Variants in CERT1 observed in about 807,000 individuals in gnomAD.
CERT1 encodes the protein ceramide transporter 1.
CERT1 carries 31 observed loss-of-function variants against 87.9 expected under a neutral mutation model. The ratio of observed to expected loss-of-function variants is 0.35; its 90% CI spans 0.27 to 0.48. CERT1 has a LOEUF of 0.48. CERT1 is among the 20% of genes least tolerant of loss of function. CERT1 has a pLI of 0.99. For synonymous variants in CERT1, 289 were observed against 250.9 expected (o/e 1.15, Z -1.44); for missense variants, 487 against 758.0 (o/e 0.64, Z 4.20).
chr5:75,490,056 T>A (rs925706774), intron 2 of CERT1, among the ~76,000 whole-genome samples: 3 of 152,210 alleles, frequency 2.0e-5, no homozygotes, highest in Non-Finnish European at 4.4e-5. Flanking sequence ...GGGACATGGA[T>A]GAACGTGGAA....
intron 2 of CERT1, among the ~76,000 whole-genome samples, chr5:75,492,489 G>C (rs903585691): frequency 7.9e-5 from 12 of 152,178 alleles, no homozygotes; most frequent in Non-Finnish European, 1.6e-4. Flanking sequence ...TTTGATACCA[G>C]AGGAGGAAAA....
intron 7 of CERT1, among the ~76,000 whole-genome samples, chr5:75,411,898 C>A (rs1762947633): frequency 6.6e-6 from 1 of 152,112 alleles, no homozygotes; most frequent in African/African-American, 2.4e-5. Flanking sequence ...AGAAAACCTT[C>A]TTATACTTTC....
chr5:75,439,413 T>C (rs1416156253), intron 3 of CERT1, among the ~76,000 whole-genome samples: 1 of 151,988 alleles, frequency 6.6e-6, no homozygotes, highest in Non-Finnish European at 1.5e-5. Context: ...ACCTTCTTCT[T>C]TTTCCTAATA....
At chr5:75,375,227 TGAGA>T (rs1474447465), downstream of CERT1, 1 of 153,244 alleles carries the variant, frequency 6.5e-6, no homozygotes, top group African/African-American at 2.4e-5. Flanking sequence ...ATTCAAGCTA[TGAGA>T]GAGAGGCCTG....
intron 5 of CERT1, among the ~76,000 whole-genome samples, chr5:75,419,732 C>T (rs923772295): frequency 2.0e-5 from 3 of 151,972 alleles, no homozygotes; most frequent in African/African-American, 7.3e-5. Context: ...ACAGTATCAG[C>T]CATCTATTTA....
intron 2 of CERT1, among the ~76,000 whole-genome samples, chr5:75,473,884 A>AG (rs1765832706): frequency 6.6e-6 from 1 of 152,230 alleles, no homozygotes; most frequent in South Asian, 2.1e-4. Flanking sequence ...TAAAATGTAA[A>AG]AAAAAGTTAC....
At chr5:75,389,719 C>T in intron 11 of CERT1, 32 bp from the exon 12 acceptor site, 1 of 1,500,642 alleles carries the variant, frequency 6.7e-7, no homozygotes, top group Non-Finnish European at 9.3e-7. Context: ...CATGAGAATC[C>T]AAAAGGTATG....
intron 8 of CERT1, among the ~76,000 whole-genome samples, chr5:75,406,746 T>C (rs948183589): frequency 1.3e-5 from 2 of 152,130 alleles, no homozygotes; most frequent in Non-Finnish European, 2.9e-5. Context: ...CGTTTCACCA[T>C]GTTGGCCAGG....
At chr5:75,420,199 G>A (rs188134496) in intron 5 of CERT1, among the ~76,000 whole-genome samples, 66 of 151,738 alleles carry the variant, frequency 4.3e-4, no homozygotes, top group Non-Finnish European at 1.3e-4. Context: ...GGCTGGTTTC[G>A]AAACTCCTGG....
rs547785308 is a variant in CERT1, at chr5:75,511,288, G to C, written c.-81C>G. On this transcript the variant is annotated 5_prime_UTR_variant, in exon 1 of 17. Transcript: ENST00000643780. ...GAGGCGCCCAGTCCTCGGGGTGAAG[G>C]GTCGGGGGATGGCGAAGCGAAGAGT... The C allele has an allele frequency of 4.1e-5, 64 of 1,573,696 alleles. No homozygotes were observed. The highest frequency in any genetic ancestry group is 8.6e-7 in the Non-Finnish European group (1 of 1,159,782).
chr5:75,423,772 A>G (rs1260781634), intron 5 of CERT1, among the ~76,000 whole-genome samples: 1 of 152,206 alleles, frequency 6.6e-6, no homozygotes, highest in African/African-American at 2.4e-5. Flanking sequence ...GTGGTAAGTT[A>G]AATATGCAAA....
At chr5:75,492,280 A>G (rs1331805716) in intron 2 of CERT1, among the ~76,000 whole-genome samples, 1 of 152,184 alleles carries the variant, frequency 6.6e-6, no homozygotes, top group Non-Finnish European at 1.5e-5. Flanking sequence ...CAGGAGGATC[A>G]TGAGCCCAGG....
At chr5:75,461,079 G>A (rs1580803423) in intron 2 of CERT1, among the ~76,000 whole-genome samples, 1 of 152,070 alleles carries the variant, frequency 6.6e-6, no homozygotes, top group African/African-American at 2.4e-5. Context: ...TAAGAATCAA[G>A]TCTAATTACT....
chr5:75,448,616 G>T (rs1338996123), intron 3 of CERT1, among the ~76,000 whole-genome samples: 1 of 152,104 alleles, frequency 6.6e-6, no homozygotes, highest in Non-Finnish European at 1.5e-5. Flanking sequence ...AGCAAAATTG[G>T]AAAACAGTTT....
rs1396859462 is a variant in CERT1 at position 75,400,294 on chromosome 5, G to T, written c.1021C>A (p.Gln341Lys). 50 of 1,607,740 alleles carry T rather than the reference G, an allele frequency of 3.1e-5. 1 individual carries two copies. The Admixed American group carries it at 8.2e-4, about 26-fold the overall frequency. ...CAATGTAATCTCACCTTTTCACTCT[G>T]TGACTAAAAAAACATATAATATTAA... Reference protein sequence around the residue: ...DRQDKIEEQSQSEKVRLHWPT... With the variant: ...DRQDKIEEQSKSEKVRLHWPT... The change falls in exon 10 of 17, where the codon CAG (glutamine) becomes AAG (lysine). Residue 341 changes from glutamine to lysine, a missense_variant. Physicochemically the swap from Gln to Lys is moderately conservative, Grantham distance 53. Coordinates refer to ENST00000643780, the MANE Select transcript of CERT1 (RefSeq NM_001379029.1).
intron 3 of CERT1, among the ~76,000 whole-genome samples, chr5:75,431,450 A>C (rs1346693497): frequency 6.6e-6 from 1 of 152,182 alleles, no homozygotes; most frequent in African/African-American, 2.4e-5. Context: ...GGAGCTCAGG[A>C]AACACTTTGG....
intron 1 of CERT1, among the ~76,000 whole-genome samples, chr5:75,510,422 C>A (rs1020318408): frequency 6.6e-6 from 1 of 152,128 alleles, no homozygotes; most frequent in Non-Finnish European, 1.5e-5. Context: ...TTTCCTTACC[C>A]TCGACCCCTT....
chr5:75,508,645 T>C lies in CERT1; in HGVS notation c.96+2467A>G, dbSNP rs184945203. 7.3e-3 allele frequency among the ~76,000 whole-genome samples: 1,109 copies of C among 152,242 alleles called. 7 individuals are homozygous for C. Among genetic ancestry groups the C allele is most frequent in the Non-Finnish European group, 0.012 (801 of 68,000 alleles). On this transcript the variant is annotated intron_variant, in intron 1 of 16. Coordinates refer to ENST00000643780, the MANE Select transcript of CERT1 (RefSeq NM_001379029.1). Reference sequence around the variant, plus strand: ...ACTGCAGGGGAATCAAATATTACTGTGGCCAACAGGCCAGCAGACACAAAC... The same window carrying C: ...ACTGCAGGGGAATCAAATATTACTGCGGCCAACAGGCCAGCAGACACAAAC...
chr5:75,486,627 T>C (rs1357527153), intron 2 of CERT1, among the ~76,000 whole-genome samples: 5 of 152,036 alleles, frequency 3.3e-5, no homozygotes, highest in African/African-American at 1.2e-4. Context: ...TTAGAACTGA[T>C]ACATTCAGTA....
Sources: gnomAD v4.1 joint callset for allele counts (sites outside exome capture counted in the v4.1 genomes callset) on GRCh38, gnomAD v4.1.1 for gene constraint, MANE v1.5 for transcripts, NCBI Gene and HGNC (gene_info 2026-07-23, HGNC 2026-07-21) for gene names.